CSMD3: variants seen among roughly 807,000 people sequenced by gnomAD.
The protein encoded by CSMD3 is CUB and sushi domain-containing protein 3.
CSMD3 carries 177 observed loss-of-function variants against 435.2 expected under a neutral mutation model. The observed-to-expected ratio is 0.41, with a 90% CI of 0.36 to 0.46. The LOEUF (loss-of-function observed/expected upper bound fraction) is 0.46. Among genes scored for constraint, CSMD3 ranks in the 20% least tolerant of loss-of-function variants. The pLI is 0.34. For missense variants in CSMD3, 4,265 were observed against 4,504.6 expected, an observed-to-expected ratio of 0.95 and a Z score of 1.52; for synonymous variants, 1,656 against 1,520.5, an observed-to-expected ratio of 1.09 and a Z score of -2.07.
intron 13 of CSMD3, among the ~76,000 whole-genome samples, chr8:112,752,459 C>T (rs1483904704): frequency 6.6e-6 from 1 of 152,118 alleles, no homozygotes; most frequent in Non-Finnish European, 1.5e-5. Context: ...CAGTTAATGG[C>T]TTCACAAAGA....
At chr8:113,018,355 G>A (rs1374988980) in intron 6 of CSMD3, among the ~76,000 whole-genome samples, 1 of 151,694 alleles carries the variant, frequency 6.6e-6, no homozygotes, top group Non-Finnish European at 1.5e-5. Context: ...AAAGGGGAAA[G>A]CATTAAAAAA....
rs554072628 is a variant in CSMD3 at position 112,394,103 on chromosome 8, C to G, written c.5810-3315G>C. On this transcript the variant is annotated intron_variant, in intron 35 of 70. Coordinates refer to ENST00000297405, the MANE Select transcript of CSMD3 (RefSeq NM_198123.2). ...ACTTTGAAATTCTTCTTCATCCACA[C>G]TCTCTTTCATCTTAGGGATTGTCAC... Among the ~76,000 whole-genome samples, 9 of 152,254 alleles carry G rather than the reference C, an allele frequency of 5.9e-5. No homozygotes were observed. The South Asian group carries it at 1.9e-3, about 32-fold the overall frequency.
intron 14 of CSMD3, among the ~76,000 whole-genome samples, chr8:112,687,481 G>A (rs925708861): frequency 6.6e-6 from 1 of 151,838 alleles, no homozygotes. Flanking sequence ...ATAATTGTTC[G>A]CATTTCTTAC....
chr8:113,400,782 TTAC>T (rs2094506408), intron 1 of CSMD3, among the ~76,000 whole-genome samples: 2 of 151,834 alleles, frequency 1.3e-5, no homozygotes, highest in African/African-American at 4.8e-5. Flanking sequence ...AACCCAGGAA[TTAC>T]AGGCTCAAAA....
intron 32 of CSMD3, among the ~76,000 whole-genome samples, chr8:112,452,526 G>A (rs1586372089): frequency 6.6e-6 from 1 of 152,072 alleles, no homozygotes; most frequent in Non-Finnish European, 1.5e-5. Context: ...TTAAAAACAG[G>A]GAAATGACTA....
chr8:112,890,863 C>T (rs1489368333), intron 10 of CSMD3, among the ~76,000 whole-genome samples: 1 of 151,586 alleles, frequency 6.6e-6, no homozygotes, highest in Non-Finnish European at 1.5e-5. Context: ...ATGGAGCAGT[C>T]AGTTAATGTT....
chr8:113,387,496 A>G (rs570025657), intron 1 of CSMD3, among the ~76,000 whole-genome samples: 1 of 151,938 alleles, frequency 6.6e-6, no homozygotes, highest in African/African-American at 2.4e-5. Flanking sequence ...CGAAGTATTC[A>G]TAATAAATTT....
chr8:113,215,839 T>A (rs557629912), intron 3 of CSMD3, among the ~76,000 whole-genome samples: 4 of 151,508 alleles, frequency 2.6e-5, no homozygotes, highest in East Asian at 1.9e-4. Flanking sequence ...TTTTTCTTTT[T>A]AAAAAAAAAT....
chr8:112,752,712 G>C (rs2077598243), intron 13 of CSMD3, among the ~76,000 whole-genome samples: 1 of 151,964 alleles, frequency 6.6e-6, no homozygotes, highest in Non-Finnish European at 1.5e-5. Context: ...ATATGAGTAA[G>C]ATTCTATTTT....
In CSMD3 at chr8:112,355,909, G is replaced by A. The variant is rs573156104; in HGVS notation, c.6137-3375C>T. On this transcript the variant is annotated intron_variant, in intron 38 of 70. Transcript: ENST00000297405. ...AATAGACACTTCTCAGAAGACACAT[G>A]AATGACCAACAAACATGAACAAATG... is the stretch of plus-strand genomic sequence containing the variant. Among the ~76,000 whole-genome samples the A allele has an allele frequency of 1.2e-4, 18 of 152,182 alleles. No homozygotes were observed. In the South Asian group the frequency reaches 3.7e-3, roughly 32 times the overall value.
intron 32 of CSMD3, among the ~76,000 whole-genome samples, chr8:112,429,579 G>A (rs1813442992): frequency 6.6e-6 from 1 of 151,960 alleles, no homozygotes; most frequent in African/African-American, 2.4e-5. Context: ...ACATATTTTT[G>A]TTATTACTAG....
intron 32 of CSMD3, among the ~76,000 whole-genome samples, chr8:112,431,435 T>G (rs951706817): frequency 1.3e-5 from 2 of 152,152 alleles, no homozygotes; most frequent in African/African-American, 4.8e-5. Flanking sequence ...ATTTTCTCAC[T>G]GTATATGTAT....
At chr8:113,381,739 G>T (rs998657331) in intron 1 of CSMD3, among the ~76,000 whole-genome samples, 17 of 151,910 alleles carry the variant, frequency 1.1e-4, no homozygotes, top group Non-Finnish European at 2.2e-4. Context: ...GGTAAAATAT[G>T]ATTTTATAAA....
chr8:112,976,446 A>C (rs1184290394), intron 6 of CSMD3, among the ~76,000 whole-genome samples: 9 of 152,124 alleles, frequency 5.9e-5, no homozygotes, highest in Non-Finnish European at 1.2e-4. Flanking sequence ...TTTTAAAAAA[A>C]TCTACAGATG....
intron 1 of CSMD3, among the ~76,000 whole-genome samples, chr8:113,383,529 T>C (rs1393508553): frequency 6.6e-6 from 1 of 152,072 alleles, no homozygotes; most frequent in African/African-American, 2.4e-5. Context: ...TCTATAAAGA[T>C]AGGAGCACAA....
chr8:113,342,870 A>ATATATATTTTTTTTTTTTTTTTTTTTTT (rs1329277359), intron 1 of CSMD3, among the ~76,000 whole-genome samples: 2 of 151,820 alleles, frequency 1.3e-5, no homozygotes, highest in African/African-American at 4.8e-5. Context: ...ATTATATATT[A>ATATATATTTTTTTTTTTTTTTTTTTTTT]TTCCCAATGT....
rs569249892 is a variant in CSMD3, at chr8:113,076,151, G to A, written c.917+22605C>T. 5.3e-5 allele frequency among the ~76,000 whole-genome samples: 8 copies of A among 151,004 alleles called. No homozygotes were observed. In the South Asian group the frequency reaches 8.4e-4, roughly 16 times the overall value. On this transcript the variant is annotated intron_variant, in intron 5 of 70. Coordinates refer to ENST00000297405, the MANE Select transcript of CSMD3 (RefSeq NM_198123.2). The stretch of plus-strand genomic sequence containing the variant: ...TTTGTGATATGGAAATAAGAGCATC[G>A]GAATAAAAACTGGTCCAATTAGAAT...
chr8:112,740,500 A>C (rs2077281152), intron 13 of CSMD3, among the ~76,000 whole-genome samples: 1 of 151,836 alleles, frequency 6.6e-6, no homozygotes, highest in Non-Finnish European at 1.5e-5. Context: ...CGAGATGTGT[A>C]GTGAGGATGA....
At chr8:112,455,980 A>G (rs1816799732) in intron 32 of CSMD3, among the ~76,000 whole-genome samples, 1 of 152,114 alleles carries the variant, frequency 6.6e-6, no homozygotes, top group East Asian at 1.9e-4. Context: ...TTATTTATCA[A>G]TGGTCTAGTT....
Sources: gnomAD v4.1 joint callset for allele counts (sites outside exome capture counted in the v4.1 genomes callset) on GRCh38, gnomAD v4.1.1 for gene constraint, MANE v1.5 for transcripts, NCBI Gene and HGNC (gene_info 2026-07-23, HGNC 2026-07-21) for gene names.